The following RARB variants were observed in gnomAD, a reference collection of about 807,000 sequenced individuals.
RARB encodes the protein retinoic acid receptor beta, also known as HBV-activated protein.
In RARB, 17 loss-of-function variants were observed where a neutral mutation model predicts 51.9. The ratio of observed to expected loss-of-function variants is 0.33; its 90% CI spans 0.22 to 0.49. RARB has a LOEUF of 0.49. Among genes scored for constraint, RARB ranks in the 20% least tolerant of loss-of-function variants. The pLI is 0.99. For missense variants in RARB, 369 were observed against 550.8 expected (o/e 0.67, Z 3.30); for synonymous variants, 215 against 195.4 (o/e 1.10, Z -0.84).
intron 4 of RARB, among the ~76,000 whole-genome samples, chr3:25,578,426 C>G (rs1701031047): frequency 6.6e-6 from 1 of 152,240 alleles, no homozygotes; most frequent in South Asian, 2.1e-4. Context: ...AAAGTTACCT[C>G]ATGCAATGTT....
chr3:25,482,521 ATTTTTTTTTTTTTT>A lies in RARB; in HGVS notation c.307-18638_307-18625del, dbSNP rs71087718. Among the ~76,000 whole-genome samples the A allele has an allele frequency of 6.2e-3, 405 of 65,784 alleles. 1 individual carries two copies. The highest frequency in any genetic ancestry group is 0.026 in the African/African-American group (375 of 14,278). The allele number at this position is 65,784 out of a possible 152,430, so 43.2% of individuals were successfully genotyped here. On this transcript the variant is annotated intron_variant, in intron 2 of 7. Coordinates refer to ENST00000330688, the MANE Select transcript of RARB (RefSeq NM_000965.5). ...TAACTTTAAATTTTCTAGCAGCCAA[ATTTTTTTTTTTTTT>A]TTTTTTTTTTTTTTTTTTTTTTGAG...
rs149533766 is a variant in RARB, at chr3:25,246,486, C to T, written c.178+71911C>T. Among the ~76,000 whole-genome samples the T allele has an allele frequency of 2.5e-3, 379 of 152,156 alleles. 1 individual carries two copies. Among genetic ancestry groups the T allele is most frequent in the Non-Finnish European group, 4.5e-3 (309 of 67,994 alleles). On this transcript the variant is annotated intron_variant, in intron 5 of 11. Transcript: ENST00000383772. ...CCTACCTTTGGTCTTTGCTCTTGAT[C>T]TTCGGATGGAGTTTTTGCATGGTTG...
intron 2 of RARB, among the ~76,000 whole-genome samples, chr3:24,913,818 CT>C (rs1695051484): frequency 6.6e-6 from 1 of 152,128 alleles, no homozygotes; most frequent in African/African-American, 2.4e-5. Flanking sequence ...ATTTGTAAAT[CT>C]AAAAGCAACA....
chr3:24,880,552 GA>G (rs1703139510), intron 2 of RARB, among the ~76,000 whole-genome samples: 1 of 152,100 alleles, frequency 6.6e-6, no homozygotes. Context: ...AAAAATCTTA[GA>G]AAAGTAGACC....
At chr3:25,236,486 AACAAT>A (rs1227989742) in intron 5 of RARB, among the ~76,000 whole-genome samples, 11 of 152,156 alleles carry the variant, frequency 7.2e-5, no homozygotes, top group Admixed American at 7.2e-4. Flanking sequence ...AAAAGCCATG[AACAAT>A]ACATAAATAA....
chr3:25,209,182 C>T (rs565607265), intron 5 of RARB, among the ~76,000 whole-genome samples: 8 of 152,258 alleles, frequency 5.3e-5, no homozygotes, highest in South Asian at 2.1e-4. Flanking sequence ...GTTGACCCTT[C>T]GTCGGTCAGT....
At chr3:25,001,722 T>C (rs140530386) in intron 2 of RARB, among the ~76,000 whole-genome samples, 13 of 152,348 alleles carry the variant, frequency 8.5e-5, no homozygotes, top group Non-Finnish European at 1.6e-4. Context: ...ATCCCATCTT[T>C]GCTAAATGCA....
At chr3:24,910,157 A>G (rs966054859) in intron 2 of RARB, among the ~76,000 whole-genome samples, 1 of 151,964 alleles carries the variant, frequency 6.6e-6, no homozygotes, top group Admixed American at 6.6e-5. Flanking sequence ...TTACTCCACC[A>G]TGTTTCTATT....
chr3:25,278,206 T>C (rs1159904237), intron 5 of RARB, among the ~76,000 whole-genome samples: 3 of 152,204 alleles, frequency 2.0e-5, no homozygotes, highest in Admixed American at 2.0e-4. Flanking sequence ...TGTGTACATC[T>C]TCTGTGGCTT....
intron 3 of RARB, among the ~76,000 whole-genome samples, chr3:25,092,959 G>T (rs1440699675): frequency 1.3e-5 from 2 of 152,096 alleles, no homozygotes; most frequent in Non-Finnish European, 2.9e-5. Flanking sequence ...TAGTGAAAAA[G>T]GGGAATTTAA....
At chr3:25,432,677 G>C (rs1225442063) in intron 1 of RARB, among the ~76,000 whole-genome samples, 1 of 152,164 alleles carries the variant, frequency 6.6e-6, no homozygotes, top group African/African-American at 2.4e-5. Flanking sequence ...CTCTGAGGTG[G>C]CTGAAAAAGA....
chr3:25,526,605 A>G (rs1466016915), intron 3 of RARB, among the ~76,000 whole-genome samples: 1 of 152,226 alleles, frequency 6.6e-6, no homozygotes, highest in African/African-American at 2.4e-5. Context: ...AATTAGAGAT[A>G]GAACCAACAT....
rs535172485 is a variant in RARB, at chr3:25,167,274, G to A, written c.-279-6845G>A. On this transcript the variant is annotated intron_variant, in intron 4 of 11. Coordinates refer to the RARB transcript ENST00000383772. The stretch of plus-strand genomic sequence containing the variant: ...AGTGAAATATAATGGATTAAAAGAC[G>A]TGCACTTTTTCCTGTTCTCAAATCT... 3.9e-5 allele frequency among the ~76,000 whole-genome samples: 6 copies of A among 152,312 alleles called. No homozygotes were observed. In the East Asian group the frequency reaches 7.7e-4, roughly 20 times the overall value.
chr3:25,257,603 T>C (rs913259409), intron 5 of RARB, among the ~76,000 whole-genome samples: 7 of 152,084 alleles, frequency 4.6e-5, no homozygotes, highest in Non-Finnish European at 7.4e-5. Flanking sequence ...GAGATCTGTC[T>C]TGTTAATGAT....
intron 5 of RARB, among the ~76,000 whole-genome samples, chr3:25,405,125 G>A (rs771764649): frequency 1.6e-4 from 25 of 152,220 alleles, no homozygotes; most frequent in Middle Eastern, 3.4e-3. Context: ...TTTTTTAACC[G>A]TCTCTTAATC....
At chr3:24,943,805 T>A (rs568362666) in intron 2 of RARB, among the ~76,000 whole-genome samples, 3 of 152,234 alleles carry the variant, frequency 2.0e-5, no homozygotes, top group Non-Finnish European at 4.4e-5. Flanking sequence ...ATCTGCAGTC[T>A]TCTGTGCATT....
chr3:25,055,126 T>C (rs1265647616), intron 2 of RARB, among the ~76,000 whole-genome samples: 2 of 152,064 alleles, frequency 1.3e-5, no homozygotes, highest in African/African-American at 4.8e-5. Flanking sequence ...TTCTCAAGAG[T>C]AACAAATTAA....
intron 1 of RARB, among the ~76,000 whole-genome samples, chr3:24,847,588 G>A (rs1487334811): frequency 1.3e-5 from 2 of 152,176 alleles, no homozygotes; most frequent in Admixed American, 6.5e-5. Flanking sequence ...CTTTGGTTGT[G>A]GAATTGGGAT....
intron 2 of RARB, among the ~76,000 whole-genome samples, chr3:24,927,892 G>A (rs143627703): frequency 4.6e-5 from 7 of 152,130 alleles, no homozygotes; most frequent in African/African-American, 9.6e-5. Flanking sequence ...ACTGTGCTCC[G>A]CAGCAAAAGT....
Sources: gnomAD v4.1 joint callset for allele counts (sites outside exome capture counted in the v4.1 genomes callset) on GRCh38, gnomAD v4.1.1 for gene constraint, MANE v1.5 for transcripts, NCBI Gene and HGNC (gene_info 2026-07-23, HGNC 2026-07-21) for gene names.